PTPRD: variants seen among roughly 807,000 people sequenced by gnomAD.
PTPRD encodes the protein receptor-type tyrosine-protein phosphatase delta.
In PTPRD, 34 loss-of-function variants were observed where a neutral mutation model predicts 214.5. That is an observed-to-expected ratio of 0.16 (90% CI 0.12 to 0.21). The LOEUF (loss-of-function observed/expected upper bound fraction) is 0.21. Among genes scored for constraint, PTPRD ranks in the 10% least tolerant of loss-of-function variants. PTPRD has a pLI of 1.00. For missense variants in PTPRD, 2,545 were observed against 2,398.7 expected, an observed-to-expected ratio of 1.06 and a Z score of -1.27; for synonymous variants, 1,128 against 845.7, an observed-to-expected ratio of 1.33 and a Z score of -5.79.
intron 9 of PTPRD, among the ~76,000 whole-genome samples, chr9:9,306,318 C>T (rs1378085796): frequency 1.3e-5 from 2 of 151,796 alleles, no homozygotes; most frequent in South Asian, 2.1e-4. Context: ...AATCTCAGCA[C>T]TTTGGGAGGC....
chr9:8,431,063 T>A (rs912285687), intron 35 of PTPRD, among the ~76,000 whole-genome samples: 5 of 152,168 alleles, frequency 3.3e-5, no homozygotes, highest in Admixed American at 3.3e-4. Context: ...CTCACAAGCC[T>A]CCTTACACAG....
chr9:8,666,249 C>A (rs1446380659), intron 12 of PTPRD, among the ~76,000 whole-genome samples: 3 of 152,070 alleles, frequency 2.0e-5, no homozygotes, highest in African/African-American at 7.2e-5. Flanking sequence ...GAACAAGAAC[C>A]TACAACTAAA....
At chr9:10,573,717 T>A (rs1343273202) in intron 2 of PTPRD, among the ~76,000 whole-genome samples, 2 of 152,082 alleles carry the variant, frequency 1.3e-5, no homozygotes, top group Non-Finnish European at 2.9e-5. Flanking sequence ...ATAGTATTTG[T>A]ATCTCAAGTA....
intron 8 of PTPRD, among the ~76,000 whole-genome samples, chr9:9,430,473 C>T (rs939870811): frequency 2.0e-5 from 3 of 152,072 alleles, no homozygotes; most frequent in South Asian, 2.1e-4. Context: ...AATGGCCATA[C>T]TGCCCAAAGT....
At chr9:8,726,646 T>A (rs1402130427) in intron 12 of PTPRD, among the ~76,000 whole-genome samples, 5 of 80,580 alleles carry the variant, frequency 6.2e-5, no homozygotes, top group Admixed American at 1.8e-4. Context: ...TATATATATA[T>A]ATATGACAGC....
intron 11 of PTPRD, among the ~76,000 whole-genome samples, chr9:8,899,152 G>A (rs367763155): frequency 2.6e-5 from 4 of 152,244 alleles, no homozygotes; most frequent in Admixed American, 6.5e-5. Context: ...TTGTTTATCT[G>A]CTGGGCAGGG....
chr9:9,591,318 A>G (rs546137254), intron 7 of PTPRD, among the ~76,000 whole-genome samples: 33 of 152,172 alleles, frequency 2.2e-4, no homozygotes, highest in African/African-American at 7.7e-4. Flanking sequence ...GATGACAGCC[A>G]GCAAGGAAAT....
chr9:8,404,381 A>C (rs950665153), intron 36 of PTPRD, among the ~76,000 whole-genome samples, 156 bp downstream of exon 36: 1 of 152,164 alleles, frequency 6.6e-6, no homozygotes, highest in African/African-American at 2.4e-5. Flanking sequence ...CACCCGCCTC[A>C]GCCTCCCAAA....
rs138471531 is a variant in PTPRD, at chr9:8,659,880, T to C, written c.65-23036A>G. ...GATATTTGATCTAGAGAAAGAATAT[T>C]ATCATGGCAGTGTAAAGGAATTATT... On this transcript the variant is annotated intron_variant, in intron 12 of 45. Coordinates refer to ENST00000381196, the MANE Select transcript of PTPRD (RefSeq NM_002839.4). Among the ~76,000 whole-genome samples, 8 of 152,274 alleles carry C rather than the reference T, an allele frequency of 5.3e-5. No homozygotes were observed. In the East Asian group the frequency reaches 1.4e-3, roughly 26 times the overall value.
In PTPRD at chr9:9,278,161, C is replaced by T. The variant is rs76514006; in HGVS notation, c.-202-94798G>A. Reference sequence around the variant, plus strand: ...TAATAAACAAGTAGTAACCAATATACTATGATCTGAGGGCAACAAATAAGA... The same window carrying T: ...TAATAAACAAGTAGTAACCAATATATTATGATCTGAGGGCAACAAATAAGA... On this transcript the variant is annotated intron_variant, in intron 9 of 45. Coordinates refer to ENST00000381196, the MANE Select transcript of PTPRD (RefSeq NM_002839.4). 3.4e-4 allele frequency among the ~76,000 whole-genome samples: 51 copies of T among 151,362 alleles called. No individual in the cohort carries two copies. The East Asian group carries it at 0.01, about 30-fold the overall frequency.
In PTPRD at chr9:8,376,702, T is replaced by C. The variant is rs1305264431; in HGVS notation, c.4411A>G (p.Ser1471Gly). The C allele has an allele frequency of 6.2e-7, 1 of 1,613,078 alleles. No individual in the cohort carries two copies. Residue 1471 changes from serine to glycine, a missense_variant, in exon 38 of 46, where the codon AGC becomes GGC. Physicochemically the swap from Ser to Gly is moderately conservative, Grantham distance 56. Transcript: ENST00000381196. Reference protein sequence around the residue: ...SRVKCDQYWPSRGTETHGLVQ... With the variant: ...SRVKCDQYWPGRGTETHGLVQ... ...AGTCCGTGGGTTTCTGTGCCTCTGC[T>C]AGGCCAATACTGGTCACACTTCACC...
intron 7 of PTPRD, among the ~76,000 whole-genome samples, chr9:9,724,479 T>C (rs1047518477): frequency 1.4e-4 from 21 of 152,126 alleles, no homozygotes; most frequent in African/African-American, 4.3e-4. Flanking sequence ...TGAATATATA[T>C]TGAGGTAGTA....
At chr9:9,816,590 T>C (rs1448255101) in intron 5 of PTPRD, among the ~76,000 whole-genome samples, 1 of 152,084 alleles carries the variant, frequency 6.6e-6, no homozygotes, top group South Asian at 2.1e-4. Flanking sequence ...CCTGTTAACA[T>C]ATTTAAAGTA....
At chr9:10,395,949 G>A (rs536801310) in intron 2 of PTPRD, among the ~76,000 whole-genome samples, 6 of 150,504 alleles carry the variant, frequency 4.0e-5, no homozygotes, top group Admixed American at 2.6e-4. Context: ...GGGACATAGA[G>A]AGAATGAGAG....
chr9:9,077,166 T>C (rs1263752517), intron 10 of PTPRD, among the ~76,000 whole-genome samples: 1 of 151,934 alleles, frequency 6.6e-6, no homozygotes. Context: ...TTTTTTTTTT[T>C]TTCTGTAGAG....
At chr9:10,037,044 C>T (rs372960708) in intron 3 of PTPRD, among the ~76,000 whole-genome samples, 10 of 151,830 alleles carry the variant, frequency 6.6e-5, no homozygotes, top group Non-Finnish European at 1.5e-4. Flanking sequence ...TCCCACCATG[C>T]CTAGCTAATT....
chr9:10,243,324 A>G (rs1226396604), intron 3 of PTPRD, among the ~76,000 whole-genome samples: 1 of 143,506 alleles, frequency 7.0e-6, no homozygotes, highest in African/African-American at 2.5e-5. Flanking sequence ...GACCTGTTTA[A>G]TTTTCTTTTC....
intron 3 of PTPRD, among the ~76,000 whole-genome samples, chr9:10,264,446 G>A (rs780580097): frequency 2.5e-4 from 38 of 152,196 alleles, no homozygotes; most frequent in Non-Finnish European, 5.1e-4. Flanking sequence ...GAGACATGGA[G>A]TCAAAGGAGA....
At chr9:8,460,388 A>G (rs2134130933) in intron 33 of PTPRD, 23 bp downstream of exon 33, 1 of 1,609,242 alleles carries the variant, frequency 6.2e-7, no homozygotes, top group South Asian at 1.1e-5. Context: ...CAAAATTACA[A>G]CAGAAATATT....
Sources: gnomAD v4.1 joint callset for allele counts (sites outside exome capture counted in the v4.1 genomes callset) on GRCh38, gnomAD v4.1.1 for gene constraint, MANE v1.5 for transcripts, NCBI Gene and HGNC (gene_info 2026-07-23, HGNC 2026-07-21) for gene names.